The following GRIK1 variants were observed in gnomAD, a reference collection of about 807,000 sequenced individuals.
GRIK1 encodes the protein glutamate ionotropic receptor kainate type subunit 1.
In GRIK1, 69 loss-of-function variants were observed where a neutral mutation model predicts 105.7. That is an observed-to-expected ratio of 0.65 (90% confidence interval 0.54 to 0.80). GRIK1 has a LOEUF of 0.80. GRIK1 is among the 30% of genes least tolerant of loss of function. The pLI is 0.00. For synonymous variants in GRIK1, 438 were observed against 431.3 expected (o/e 1.02, Z -0.19); for missense variants, 1,109 against 1,167.3 (o/e 0.95, Z 0.73).
intron 1 of GRIK1, among the ~76,000 whole-genome samples, chr21:29,741,717 A>G (rs2064933807): frequency 6.6e-6 from 1 of 152,214 alleles, no homozygotes; most frequent in Admixed American, 6.5e-5. Flanking sequence ...TTGGAACATG[A>G]CCATTTTTAT....
At chr21:29,693,595 C>G (rs1405745098) in intron 2 of GRIK1, among the ~76,000 whole-genome samples, 1 of 152,126 alleles carries the variant, frequency 6.6e-6, no homozygotes, top group Non-Finnish European at 1.5e-5. Context: ...ATGGTGGTAT[C>G]TCAGCTTCAG....
At chr21:29,674,062 G>GT (rs67796581) in intron 3 of GRIK1, among the ~76,000 whole-genome samples, 159 of 143,326 alleles carry the variant, frequency 1.1e-3, no homozygotes, top group Admixed American at 2.4e-3. Context: ...GAAAAATTGA[G>GT]TTTTTTTTTT....
intron 13 of GRIK1, among the ~76,000 whole-genome samples, chr21:29,579,965 G>GTA (rs58814385): frequency 7.7e-5 from 11 of 143,150 alleles, no homozygotes; most frequent in East Asian, 2.0e-4. Flanking sequence ...ATGTGTGTGT[G>GTA]TATATATATA....
intron 1 of GRIK1, among the ~76,000 whole-genome samples, chr21:29,931,940 T>C (rs182338414): frequency 1.1e-4 from 16 of 152,344 alleles, no homozygotes; most frequent in African/African-American, 3.8e-4. Context: ...TGTAGTGAAC[T>C]CTTAGTCTCC....
At position 29,560,400 on chromosome 21, in the gene GRIK1, C is replaced by CCTTCCTTCCTTCCTTTCTTT. The variant is rs1491373479; in HGVS notation, c.2356+1223_2356+1224insAAAGAAAGGAAGGAAGGAAG. Among the ~76,000 whole-genome samples, 55 of 67,112 alleles carry CCTTCCTTCCTTCCTTTCTTT rather than the reference C, an allele frequency of 8.2e-4. 7 individuals carry two copies. The highest frequency in any genetic ancestry group is 0.016 in the Middle Eastern group (2 of 126). 44.0% of individuals were successfully genotyped at this position (67,112 alleles called of 152,430 possible). ...TCCTTCCTTCCTTCCTTCCTTCCTT[C>CCTTCCTTCCTTCCTTTCTTT]CTTTCTTTCTTTCTTTCTTTCTTTC... On this transcript the variant is annotated intron_variant, in intron 15 of 17. Coordinates refer to ENST00000327783, the MANE Select transcript of GRIK1 (RefSeq NM_001330994.2).
chr21:29,539,404 G>C (rs1381616055), intron 16 of GRIK1, among the ~76,000 whole-genome samples: 2 of 152,146 alleles, frequency 1.3e-5, no homozygotes, highest in Non-Finnish European at 2.9e-5. Flanking sequence ...TGTTGACTCT[G>C]TCATATAATT....
At chr21:29,712,291 A>G (rs1290586076) in intron 1 of GRIK1, among the ~76,000 whole-genome samples, 1 of 152,148 alleles carries the variant, frequency 6.6e-6, no homozygotes, top group Non-Finnish European at 1.5e-5. Context: ...ATTGCCAGAC[A>G]TTATATTCAT....
At chr21:29,672,013 G>T (rs992601455) in intron 4 of GRIK1, among the ~76,000 whole-genome samples, 2 of 151,710 alleles carry the variant, frequency 1.3e-5, no homozygotes, top group South Asian at 2.1e-4. Flanking sequence ...TCACTCTGGG[G>T]TGAGAAGCAC....
Position 29,939,748 on chromosome 21 carries a change from T to A in GRIK1, c.-248A>T, listed in dbSNP as rs1772958923. ...CACGGCTCCTCCTCCTCCTCTTCCA[T>A]GGGCCGCAGACCGCGGAGGATCAGC... is the stretch of plus-strand genomic sequence containing the variant. On this transcript the variant is annotated 5_prime_UTR_variant, in exon 1 of 18. The change abolishes an upstream ATG in the 5' untranslated region. Coordinates refer to ENST00000327783, the MANE Select transcript of GRIK1 (RefSeq NM_001330994.2). 2.7e-6 allele frequency: 1 copy of A among 375,576 alleles called. No homozygotes were observed. The highest frequency in any genetic ancestry group is 7.5e-5 in the South Asian group (1 of 13,360). 23.3% of individuals were successfully genotyped at this position (375,576 alleles called of 1,614,324 possible). A position where few individuals can be genotyped will look rare whatever the true frequency, so the allele number is the denominator to read the frequency against.
chr21:29,772,296 C>T (rs1216307923), intron 1 of GRIK1, among the ~76,000 whole-genome samples: 1 of 152,092 alleles, frequency 6.6e-6, no homozygotes, highest in Admixed American at 6.5e-5. Context: ...GTTTGCTGCC[C>T]TTTTTGAGTT....
At chr21:29,544,408 A>G (rs1267561327) in intron 16 of GRIK1, among the ~76,000 whole-genome samples, 1 of 152,214 alleles carries the variant, frequency 6.6e-6, no homozygotes, top group African/African-American at 2.4e-5. Context: ...CGCTAACGTT[A>G]GGGATAATGT....
chr21:29,730,103 C>T (rs972178152), intron 1 of GRIK1, among the ~76,000 whole-genome samples: 3 of 152,126 alleles, frequency 2.0e-5, no homozygotes, highest in Non-Finnish European at 2.9e-5. Context: ...TATGGCAGTT[C>T]GCCCAGTAAT....
At chr21:29,802,859 A>G (rs1298081472) in intron 1 of GRIK1, among the ~76,000 whole-genome samples, 2 of 152,160 alleles carry the variant, frequency 1.3e-5, no homozygotes, top group Non-Finnish European at 2.9e-5. Context: ...ATCTTCCACT[A>G]GTATGCTATA....
At chr21:29,591,070 G>A (rs1601200457) in intron 10 of GRIK1, 42 bp downstream of exon 10, 1 of 1,043,494 alleles carries the variant, frequency 9.6e-7, no homozygotes, top group Non-Finnish European at 1.5e-6. Flanking sequence ...TCTAAGGCAG[G>A]AGCCTGGATA....
At chr21:29,560,565 T>TC (rs2090447897) in intron 15 of GRIK1, among the ~76,000 whole-genome samples, 8 of 131,456 alleles carry the variant, frequency 6.1e-5, no homozygotes, top group African/African-American at 2.5e-4. Flanking sequence ...TCTTTCTTTC[T>TC]TTCTTTCTTT....
chr21:29,617,166 A>C (rs2146403422), intron 7 of GRIK1, among the ~76,000 whole-genome samples: 1 of 152,352 alleles, frequency 6.6e-6, no homozygotes, highest in African/African-American at 2.4e-5. Flanking sequence ...CCAAGGCATT[A>C]AAAAGAAACA....
At chr21:29,562,727 C>T (rs2090512813) in intron 14 of GRIK1, among the ~76,000 whole-genome samples, 2 of 148,080 alleles carry the variant, frequency 1.4e-5, no homozygotes, top group African/African-American at 5.0e-5. Context: ...TAATTGTAAT[C>T]ATATTTTAGA....
intron 1 of GRIK1, among the ~76,000 whole-genome samples, chr21:29,721,708 T>C (rs1265522929): frequency 6.6e-6 from 1 of 152,156 alleles, no homozygotes; most frequent in Non-Finnish European, 1.5e-5. Context: ...AAGCAGGGTG[T>C]CCCAGGATTA....
At chr21:29,647,598 GT>G (rs1191460781) in intron 6 of GRIK1, among the ~76,000 whole-genome samples, 1 of 152,164 alleles carries the variant, frequency 6.6e-6, no homozygotes, top group Non-Finnish European at 1.5e-5. Context: ...ATGTTTGGTT[GT>G]TCCCCTGACT....
Sources: allele counts gnomAD v4.1 joint callset (sites outside exome capture counted in the v4.1 genomes callset), GRCh38; gene constraint gnomAD v4.1.1; transcripts MANE v1.5; gene names NCBI Gene and HGNC (gene_info 2026-07-23, HGNC 2026-07-21).